GREM2: variants seen among roughly 807,000 people sequenced by gnomAD.
GREM2 encodes gremlin 2, DAN family BMP antagonist.
A neutral mutation model predicts 14.2 loss-of-function variants in GREM2; 11 were observed. The observed-to-expected ratio is 0.78, with a 90% CI of 0.49 to 1.28. The LOEUF (loss-of-function observed/expected upper bound fraction) is 1.28. GREM2 is among the 50% of genes most tolerant of loss of function. The pLI is 0.00. For synonymous variants in GREM2, 98 were observed against 97.6 expected (o/e 1.00, Z -0.02); for missense variants, 210 against 218.5 (o/e 0.96, Z 0.24).
rs57502043 is a variant in GREM2 at position 240,497,021 on chromosome 1, CA to C, written c.-1-3546del. On this transcript the variant is annotated intron_variant, in intron 1 of 1. Coordinates refer to ENST00000318160, the MANE Select transcript of GREM2 (RefSeq NM_022469.4). The stretch of plus-strand genomic sequence containing the variant: ...GGGCAACAAGAGTGAAACTCCATCT[CA>C]AAAAAAAAAAATGTTGAACGAAATA... 5.9e-3 allele frequency among the ~76,000 whole-genome samples: 835 copies of C among 140,866 alleles called. 1 individual carries two copies. Among genetic ancestry groups the C allele is most frequent in the African/African-American group, 0.017 (669 of 38,648 alleles). The allele number at this position is 140,866 out of a possible 152,430, so 92.4% of individuals were successfully genotyped here. A position where few individuals can be genotyped will look rare whatever the true frequency, so the allele number is the denominator to read the frequency against.
intron 1 of GREM2, among the ~76,000 whole-genome samples, chr1:240,598,785 T>C (rs1679866089): frequency 6.6e-6 from 1 of 152,206 alleles, no homozygotes; most frequent in Admixed American, 6.5e-5. Context: ...TGCACTGTGC[T>C]GCTTTCTCTT....
At position 240,493,438 on chromosome 1, in the gene GREM2, G is replaced by A. The variant is rs373941682; in HGVS notation, c.38C>T (p.Ala13Val). Residue 13 changes from alanine to valine, a missense_variant, in exon 2 of 2, where the codon GCG (alanine) becomes GTG (valine). By Grantham distance (64) the Ala-to-Val change is moderately conservative. Coordinates refer to ENST00000318160, the MANE Select transcript of GREM2 (RefSeq NM_022469.4). Reference protein sequence around the residue: ...WKLSLSLFLVAVLVKVAEARK... With the variant: ...WKLSLSLFLVVVLVKVAEARK... Reference sequence around the variant, plus strand: ...GGCTTCCGCCACCTTCACCAGCACCGCCACCAGGAACAAGGACAGGGAAAG... The same window carrying A: ...GGCTTCCGCCACCTTCACCAGCACCACCACCAGGAACAAGGACAGGGAAAG... The A allele has an allele frequency of 4.9e-5, 79 of 1,610,738 alleles. No homozygotes were observed. The East Asian group carries it at 1.0e-3, about 21-fold the overall frequency.
At chr1:240,520,908 T>C (rs1678069359) in intron 1 of GREM2, among the ~76,000 whole-genome samples, 1 of 134,364 alleles carries the variant, frequency 7.4e-6, no homozygotes, top group African/African-American at 2.8e-5. Context: ...TTTGTCTTCA[T>C]GGGCAAAAAA....
In GREM2 at chr1:240,602,869, C is replaced by G. The variant is rs200150386; in HGVS notation, c.-2+9015G>C. Among the ~76,000 whole-genome samples the G allele has an allele frequency of 2.6e-5, 4 of 151,564 alleles. No homozygotes were observed. The East Asian group carries it at 5.8e-4, about 22-fold the overall frequency. ...CAGGCGGATCACGAGGTCAGGAGAT[C>G]GAGACCATCCTGGCTAACATGGTGA... On this transcript the variant is annotated intron_variant, in intron 1 of 1. Coordinates refer to ENST00000318160, the MANE Select transcript of GREM2 (RefSeq NM_022469.4).
intron 1 of GREM2, among the ~76,000 whole-genome samples, chr1:240,569,916 C>T (rs996416682): frequency 2.9e-5 from 3 of 101,990 alleles, no homozygotes; most frequent in African/African-American, 2.1e-4. Flanking sequence ...TTATACTTCA[C>T]TAAAATTTTT....
rs12725495 is a variant in GREM2 at position 240,583,784 on chromosome 1, A to C, written c.-2+28100T>G. On this transcript the variant is annotated intron_variant, in intron 1 of 1. Transcript: ENST00000318160. ...GCCCAGCTAACTTTTTTGTATTTTT[A>C]GTAGAGATGGGGTTTCACCTTGTTG... is the stretch of plus-strand genomic sequence containing the variant. Among the ~76,000 whole-genome samples, 3 of 152,044 alleles carry C rather than the reference A, an allele frequency of 2.0e-5. No individual in the cohort carries two copies. In the East Asian group the frequency reaches 5.8e-4, roughly 30 times the overall value.
At chr1:240,527,587 A>G (rs1678251826) in intron 1 of GREM2, among the ~76,000 whole-genome samples, 1 of 152,220 alleles carries the variant, frequency 6.6e-6, no homozygotes, top group Non-Finnish European at 1.5e-5. Flanking sequence ...AAGGAGAGGG[A>G]CAAGGGAGGT....
At chr1:240,534,310 T>C (rs1467974800) in intron 1 of GREM2, among the ~76,000 whole-genome samples, 1 of 152,180 alleles carries the variant, frequency 6.6e-6, no homozygotes, top group Admixed American at 6.5e-5. Context: ...TCTACATATG[T>C]GCTACTCAAT....
intron 1 of GREM2, among the ~76,000 whole-genome samples, chr1:240,572,332 C>G (rs1333512405): frequency 6.6e-6 from 1 of 152,164 alleles, no homozygotes; most frequent in Non-Finnish European, 1.5e-5. Context: ...TTAATCACCT[C>G]TAAAGTGATA....
At chr1:240,606,515 T>C (rs1362791283) in intron 1 of GREM2, among the ~76,000 whole-genome samples, 2 of 152,180 alleles carry the variant, frequency 1.3e-5, no homozygotes, top group African/African-American at 4.8e-5. Context: ...TGGTCTTTCC[T>C]ACTAGTATTG....
chr1:240,514,247 C>CAAAAAA (rs34702912), intron 1 of GREM2, among the ~76,000 whole-genome samples: 3 of 80,222 alleles, frequency 3.7e-5, no homozygotes, highest in Admixed American at 1.6e-4. Context: ...GATTCCATCT[C>CAAAAAA]AAAAAAAAAA....
chr1:240,510,242 C>G (rs1056033248), intron 1 of GREM2, among the ~76,000 whole-genome samples: 1 of 151,544 alleles, frequency 6.6e-6, no homozygotes, highest in Non-Finnish European at 1.5e-5. Flanking sequence ...TGGTGGCGGG[C>G]GCCTGTAGTC....
At position 240,596,088 on chromosome 1, in the gene GREM2, T is replaced by A. The variant is rs186774818; in HGVS notation, c.-2+15796A>T. Among the ~76,000 whole-genome samples the A allele has an allele frequency of 7.2e-4, 110 of 152,286 alleles. 1 individual carries two copies. Among genetic ancestry groups the A allele is most frequent in the Non-Finnish European group, 4.6e-4 (31 of 68,024 alleles). ...TATAGTAGAATACTCCAAATAAGTG[T>A]TCTGCTATTGTGTAGGCTGAATGAT... On this transcript the variant is annotated intron_variant, in intron 1 of 1. Coordinates refer to ENST00000318160, the MANE Select transcript of GREM2 (RefSeq NM_022469.4).
At chr1:240,588,675 C>G (rs1377179644) in intron 1 of GREM2, 3 of 152,322 alleles carry the variant, frequency 2.0e-5, no homozygotes, top group African/African-American at 7.2e-5. Flanking sequence ...GTTGACCAGA[C>G]AACTGTACCT....
chr1:240,570,020 T>C (rs1679230582), intron 1 of GREM2, among the ~76,000 whole-genome samples: 1 of 152,228 alleles, frequency 6.6e-6, no homozygotes, highest in Admixed American at 6.5e-5. Flanking sequence ...CAATCTGCTA[T>C]GTTTTTACAG....
chr1:240,497,155 C>G (rs924812668), intron 1 of GREM2, among the ~76,000 whole-genome samples: 6 of 152,130 alleles, frequency 3.9e-5, no homozygotes, highest in Non-Finnish European at 8.8e-5. Context: ...GGCCTGGGTC[C>G]TTGTGGTAGT....
At chr1:240,526,415 A>G (rs1429550523) in intron 1 of GREM2, among the ~76,000 whole-genome samples, 1 of 152,226 alleles carries the variant, frequency 6.6e-6, no homozygotes, top group Non-Finnish European at 1.5e-5. Flanking sequence ...GCAGAAATCA[A>G]AGCAGCTCAG....
chr1:240,520,580 T>C (rs1678061645), intron 1 of GREM2, among the ~76,000 whole-genome samples: 1 of 152,218 alleles, frequency 6.6e-6, no homozygotes, highest in African/African-American at 2.4e-5. Context: ...GTCTTACTCA[T>C]TGCCCAGGCT....
At chr1:240,536,069 G>A (rs1311537566) in intron 1 of GREM2, among the ~76,000 whole-genome samples, 1 of 23,028 alleles carries the variant, frequency 4.3e-5, no homozygotes, top group African/African-American at 1.5e-4. Context: ...AGGAGCTGAA[G>A]ACTGGTAAGA....
Sources: allele counts gnomAD v4.1 joint callset (sites outside exome capture counted in the v4.1 genomes callset), GRCh38; gene constraint gnomAD v4.1.1; transcripts MANE v1.5; gene names NCBI Gene and HGNC (gene_info 2026-07-23, HGNC 2026-07-21).